HSD17B4: variants seen among roughly 807,000 people sequenced by gnomAD.
HSD17B4 encodes the protein peroxisomal multifunctional enzyme type 2.
In HSD17B4, 70 loss-of-function variants were observed where a neutral mutation model predicts 101.0. The observed-to-expected ratio is 0.69, with a 90% CI of 0.57 to 0.85. The LOEUF (loss-of-function observed/expected upper bound fraction) is 0.85. HSD17B4 is among the 40% of genes least tolerant of loss of function. The pLI is 0.00. For missense variants in HSD17B4, 984 were observed against 892.4 expected, an observed-to-expected ratio of 1.10 and a Z score of -1.31; for synonymous variants, 347 against 297.1, an observed-to-expected ratio of 1.17 and a Z score of -1.73.
At position 119,508,936 on chromosome 5, in the gene HSD17B4, T is replaced by C. The variant is rs56349852; in HGVS notation, c.1334-205T>C. ...TAAGAAAGGATTTTTGAAGCTCCTC[T>C]TCTCTCTGCCTTTCAGATTCTGGTA... On this transcript the variant is annotated intron_variant, in intron 15 of 23. Transcript: ENST00000510025. 0.12 allele frequency among the ~76,000 whole-genome samples: 18,560 copies of C among 152,246 alleles called. 1,244 individuals carry two copies. Among genetic ancestry groups the C allele is most frequent in the South Asian group, 0.15 (714 of 4,824 alleles).
intron 12 of HSD17B4, among the ~76,000 whole-genome samples, chr5:119,499,045 C>G (rs749307160): frequency 1.8e-4 from 28 of 152,038 alleles, no homozygotes; most frequent in Non-Finnish European, 3.5e-4. Context: ...CTAATAGTTG[C>G]TGAATTAGAG....
In HSD17B4 at chr5:119,477,443, G is replaced by A. The variant is rs769066826; in HGVS notation, c.376G>A (p.Gly126Ser). The A allele has an allele frequency of 3.7e-6, 6 of 1,611,728 alleles. No homozygotes were observed. Among genetic ancestry groups the A allele is most frequent in the Non-Finnish European group, 5.1e-6 (6 of 1,178,154 alleles). ...WDIIHRVHLR[G>S]SFQVTRAAWE... ...TATAATCCACAGAGTTCATTTGCGGGGTTCATTCCAAGTGACACGGGCAGC... is the reference window on the plus strand; with the variant it reads ...TATAATCCACAGAGTTCATTTGCGGAGTTCATTCCAAGTGACACGGGCAGC... The change falls in exon 7 of 24, where the codon GGT (glycine) becomes AGT (serine). Residue 126 changes from glycine to serine, a missense_variant. Gly to Ser is a moderately conservative substitution (Grantham distance 56). Transcript: ENST00000510025.
intron 18 of HSD17B4, among the ~76,000 whole-genome samples, chr5:119,525,567 T>C (rs1391228503): frequency 6.6e-6 from 1 of 152,076 alleles, no homozygotes. Flanking sequence ...GACAAGGTCA[T>C]TGGAGAGAGA....
chr5:119,530,088 A>G (rs186445937), intron 21 of HSD17B4, 108 bp downstream of exon 21: 6 of 741,804 alleles, frequency 8.1e-6, no homozygotes, highest in Non-Finnish European at 1.5e-5. Flanking sequence ...CCATGAAACT[A>G]TTCTTAATTC....
chr5:119,520,915 G>T (rs778691075), intron 17 of HSD17B4, among the ~76,000 whole-genome samples: 1 of 151,838 alleles, frequency 6.6e-6, no homozygotes, highest in Non-Finnish European at 1.5e-5. Flanking sequence ...CCCTCTTATT[G>T]TTCCCATTTT....
At chr5:119,532,865 G>GT (rs1296054569) in intron 22 of HSD17B4, among the ~76,000 whole-genome samples, 3 of 151,762 alleles carry the variant, frequency 2.0e-5, no homozygotes, top group Non-Finnish European at 4.4e-5. Context: ...AAAATAAACA[G>GT]TTTTTTTTCT....
intron 17 of HSD17B4, among the ~76,000 whole-genome samples, chr5:119,515,926 C>A (rs554047628): frequency 1.3e-4 from 20 of 152,196 alleles, no homozygotes; most frequent in South Asian, 4.2e-4. Flanking sequence ...GGTTTAATAC[C>A]TGGGTGATTA....
chr5:119,467,822 C>G (rs192482268), intron 2 of HSD17B4, among the ~76,000 whole-genome samples: 123 of 152,192 alleles, frequency 8.1e-4, no homozygotes, highest in Admixed American at 1.4e-3. Context: ...GAACAAATGC[C>G]TTGTATATAC....
chr5:119,501,999 G>T, intron 13 of HSD17B4, 42 bp from the exon 14 acceptor site: 1 of 1,247,544 alleles, frequency 8.0e-7, no homozygotes, highest in Non-Finnish European at 1.2e-6. Flanking sequence ...AACCTGTGGA[G>T]CAAGAAAGTT....
chr5:119,501,995 T>C (rs1751209968), intron 13 of HSD17B4, 46 bp from the exon 14 acceptor site: 1 of 1,183,334 alleles, frequency 8.5e-7, no homozygotes, highest in East Asian at 2.3e-5. Context: ...GCAGAACCTG[T>C]GGAGCAAGAA....
At chr5:119,469,865 T>A (rs1756183170) in intron 2 of HSD17B4, among the ~76,000 whole-genome samples, 1 of 152,228 alleles carries the variant, frequency 6.6e-6, no homozygotes, top group Non-Finnish European at 1.5e-5. Context: ...ACAGTGTCTG[T>A]ATGTGCCTCA....
At chr5:119,487,748 C>G (rs1422988537) in intron 8 of HSD17B4, among the ~76,000 whole-genome samples, 1 of 152,092 alleles carries the variant, frequency 6.6e-6, no homozygotes, top group Non-Finnish European at 1.5e-5. Context: ...ATCCAAATCC[C>G]TGTACATAAA....
chr5:119,467,935 AGT>A (rs951010789), intron 2 of HSD17B4, among the ~76,000 whole-genome samples: 1 of 152,176 alleles, frequency 6.6e-6, no homozygotes, highest in African/African-American at 2.4e-5. Flanking sequence ...TTACAAGCAA[AGT>A]GAGTTTCTTG....
At chr5:119,496,136 G>A (rs900421500) in intron 11 of HSD17B4, among the ~76,000 whole-genome samples, 1 of 152,160 alleles carries the variant, frequency 6.6e-6, no homozygotes, top group Non-Finnish European at 1.5e-5. Flanking sequence ...GGTAATCTTG[G>A]CATTCTTTCA....
intron 14 of HSD17B4, among the ~76,000 whole-genome samples, chr5:119,503,078 GT>G: frequency 9.8e-6 from 1 of 101,994 alleles, no homozygotes; most frequent in Non-Finnish European, 2.4e-5. Flanking sequence ...CTTGGAAATT[GT>G]GTGTGTGTGT....
chr5:119,513,475 C>G (rs1241299065), intron 16 of HSD17B4, among the ~76,000 whole-genome samples: 2 of 152,040 alleles, frequency 1.3e-5, no homozygotes, highest in African/African-American at 4.8e-5. Flanking sequence ...CCTCTGCCTC[C>G]CAGACTCAGG....
chr5:119,542,186 A>G lies in HSD17B4; in HGVS notation c.*192A>G, dbSNP rs1755054316. Reference sequence around the variant, plus strand: ...TATCATTATTTTTACAAGGAACTATATATAAGCTAGCACATAATTATCCTT... The same window carrying G: ...TATCATTATTTTTACAAGGAACTATGTATAAGCTAGCACATAATTATCCTT... On this transcript the variant is annotated 3_prime_UTR_variant, in exon 24 of 24. Transcript: ENST00000510025. 2 of 547,446 alleles carry G rather than the reference A, an allele frequency of 3.7e-6. No homozygotes were observed. The highest frequency in any genetic ancestry group is 2.0e-5 in the South Asian group (1 of 48,856). 33.9% of individuals were successfully genotyped at this position (547,446 alleles called of 1,614,324 possible).
At chr5:119,522,742 T>C (rs544591422) in intron 17 of HSD17B4, among the ~76,000 whole-genome samples, 1 of 152,292 alleles carries the variant, frequency 6.6e-6, no homozygotes, top group South Asian at 2.1e-4. Context: ...GCTTCTTTTT[T>C]TCTTCATCCA....
intron 11 of HSD17B4, 31 bp downstream of exon 11, chr5:119,493,977 T>A (rs762275583): frequency 6.2e-7 from 1 of 1,611,338 alleles, no homozygotes; most frequent in East Asian, 2.2e-5. Flanking sequence ...TTAGCCCTGG[T>A]TGGGGAATCA....
Sources: allele counts gnomAD v4.1 joint callset (sites outside exome capture counted in the v4.1 genomes callset), GRCh38; gene constraint gnomAD v4.1.1; transcripts MANE v1.5; gene names NCBI Gene and HGNC (gene_info 2026-07-23, HGNC 2026-07-21).